RASGEF1C: variants seen among roughly 807,000 people sequenced by gnomAD.
The protein encoded by RASGEF1C is RasGEF domain family member 1C, also known as ras-GEF domain-containing family member 1C.
Under a neutral mutation model 58.1 loss-of-function variants are expected in RASGEF1C, and 27 were observed. The ratio of observed to expected loss-of-function variants is 0.46; its 90% CI spans 0.34 to 0.64. The LOEUF (loss-of-function observed/expected upper bound fraction) is 0.64. Ranked by LOEUF, RASGEF1C falls within the 30% of genes least tolerant of loss-of-function variation. RASGEF1C has a pLI of 0.01. For synonymous variants in RASGEF1C, 243 were observed against 246.3 expected (o/e 0.99, Z 0.13); for missense variants, 502 against 605.1 (o/e 0.83, Z 1.79).
At chr5:180,147,060 ATTCCAATTTGTTCAAAT>A (rs758417820) in intron 1 of RASGEF1C, among the ~76,000 whole-genome samples, 75 of 152,178 alleles carry the variant, frequency 4.9e-4, no homozygotes, top group African/African-American at 1.3e-3. Flanking sequence ...TCATCTAGAA[ATTCCAATTTGTTCAAAT>A]TTCCAATTTG....
At chr5:180,186,617 C>T (rs1401337616) in intron 1 of RASGEF1C, among the ~76,000 whole-genome samples, 3 of 152,202 alleles carry the variant, frequency 2.0e-5, no homozygotes, top group African/African-American at 7.2e-5. Context: ...AAGTGATTTA[C>T]AGATTCAATG....
At chr5:180,125,214 G>A (rs1158674942) in intron 6 of RASGEF1C, among the ~76,000 whole-genome samples, 2 of 152,108 alleles carry the variant, frequency 1.3e-5, no homozygotes, top group African/African-American at 4.8e-5. Context: ...TAAACAATCA[G>A]CTAACAGTTT....
chr5:180,136,559 T>A, intron 3 of RASGEF1C, 44 bp from the exon 4 acceptor site: 2 of 1,539,422 alleles, frequency 1.3e-6, no homozygotes, highest in Non-Finnish European at 1.8e-6. Context: ...GGGCGCCGGG[T>A]GGGCACGTGA....
Position 180,155,056 on chromosome 5 carries a change from CCT to C in RASGEF1C, c.-6-17000_-6-16999del, listed in dbSNP as rs987876984. Among the ~76,000 whole-genome samples, 12 of 152,298 alleles carry C rather than the reference CCT, an allele frequency of 7.9e-5. No individual in the cohort carries two copies. Among genetic ancestry groups the C allele is most frequent in the Admixed American group, 2.0e-4 (3 of 15,308 alleles). On this transcript the variant is annotated intron_variant, in intron 1 of 13. Transcript: ENST00000361132. The surrounding 1 kb of genome is among the most constrained non-coding windows in gnomAD (Gnocchi z 5.2). ...GAAGCCACAGTGTGACTCTTGGAAG[CCT>C]CCAGGAGGCAGGGAGCTTCTGGGCA...
At chr5:180,152,946 C>T (rs1168400176) in intron 1 of RASGEF1C, among the ~76,000 whole-genome samples, 1 of 150,710 alleles carries the variant, frequency 6.6e-6, no homozygotes, top group East Asian at 1.9e-4. Flanking sequence ...TTATAGGTTG[C>T]CTCTGTACTG....
Position 180,114,492 on chromosome 5 carries a change from T to C in RASGEF1C, c.1133A>G (p.Asn378Ser). ...GGGAAGGCGGTTGGCGCAGCCCTCA[T>C]TCAGGAAGTAGATGTCTTTGATGAG... ...SLLIKDIYFL[N>S]EGCANRLPNG... The change falls in exon 11 of 14, where the codon AAT (asparagine) becomes AGT (serine). Residue 378 changes from asparagine (N) to serine (S), a missense_variant. Physicochemically the swap from Asn to Ser is conservative, Grantham distance 46. Transcript: ENST00000361132. The C allele has an allele frequency of 6.2e-7, 1 of 1,612,822 alleles. No individual in the cohort carries two copies.
rs904752503 is a variant in RASGEF1C, at chr5:180,118,496, C to T, written c.1083+113G>A. 9.0e-6 allele frequency: 9 copies of T among 1,000,352 alleles called. No individual in the cohort carries two copies. The African/African-American group carries it at 1.5e-4, about 16-fold the overall frequency. The allele number at this position is 1,000,352 out of a possible 1,614,324, so 62.0% of individuals were successfully genotyped here. On this transcript the variant is annotated intron_variant, in intron 10 of 13. Transcript: ENST00000361132. Reference sequence around the variant, plus strand: ...CGCTGGAGGCACGCAAGCAAGGAGACCTGGCTGTCTATTACTGATGCTGCA... The same window carrying T: ...CGCTGGAGGCACGCAAGCAAGGAGATCTGGCTGTCTATTACTGATGCTGCA...
chr5:180,205,425 A>T (rs1756470245), intron 1 of RASGEF1C, among the ~76,000 whole-genome samples: 1 of 152,208 alleles, frequency 6.6e-6, no homozygotes, highest in Non-Finnish European at 1.5e-5. Flanking sequence ...ACACTCCTAG[A>T]AGTAGTCTTG....
intron 1 of RASGEF1C, among the ~76,000 whole-genome samples, chr5:180,166,008 T>C (rs11950656): frequency 0.65 from 98,438 of 151,714 alleles, 32,421 homozygotes; most frequent in Non-Finnish European, 0.71. Context: ...CTCGGCTTCC[T>C]AAAGTGCTGG....
intron 1 of RASGEF1C, among the ~76,000 whole-genome samples, chr5:180,207,024 T>G (rs577771603): frequency 6.6e-6 from 1 of 152,304 alleles, no homozygotes; most frequent in South Asian, 2.1e-4. Context: ...GTGTTTTACG[T>G]ATTCAAAAAA....
At chr5:180,142,200 C>T (rs949279740) in intron 1 of RASGEF1C, among the ~76,000 whole-genome samples, 10 of 152,000 alleles carry the variant, frequency 6.6e-5, no homozygotes, top group Admixed American at 6.6e-4. Flanking sequence ...CTGTCTGCCT[C>T]GTTGGGACGT....
At chr5:180,130,951 G>A (rs1325858115) in intron 4 of RASGEF1C, among the ~76,000 whole-genome samples, 3 of 152,126 alleles carry the variant, frequency 2.0e-5, no homozygotes, top group Non-Finnish European at 4.4e-5. Context: ...TCGGCCACCA[G>A]ACACACAGGC....
intron 1 of RASGEF1C, among the ~76,000 whole-genome samples, chr5:180,142,243 C>T (rs762484725): frequency 3.3e-5 from 5 of 152,074 alleles, no homozygotes; most frequent in South Asian, 2.1e-4. Context: ...GATATATGCA[C>T]GGTGTGGCTG....
chr5:180,115,358 ATGCACTTAC>A (rs1477901036), intron 10 of RASGEF1C: 16 of 409,878 alleles, frequency 3.9e-5, no homozygotes, highest in Non-Finnish European at 4.8e-6. Context: ...TCTGATCCCG[ATGCACTTAC>A]TGTTAGACCA....
chr5:180,194,240 C>A (rs1337056515), intron 1 of RASGEF1C, among the ~76,000 whole-genome samples: 1 of 152,156 alleles, frequency 6.6e-6, no homozygotes, highest in Admixed American at 6.5e-5. Flanking sequence ...CACCACGGAT[C>A]GCGTTCATTA....
intron 12 of RASGEF1C, among the ~76,000 whole-genome samples, chr5:180,107,797 C>G (rs568045068): frequency 1.3e-5 from 2 of 151,976 alleles, no homozygotes; most frequent in African/African-American, 4.8e-5. Flanking sequence ...GTAGTAGAGA[C>G]GAGGTTTCGC....
At chr5:180,128,352 T>G (rs1766299472) in intron 5 of RASGEF1C, 58 bp downstream of exon 5, 2 of 1,460,686 alleles carry the variant, frequency 1.4e-6, no homozygotes, top group Non-Finnish European at 1.9e-6. Context: ...GAGGGCACAG[T>G]GTATCTGTGT....
chr5:180,109,074 C>G (rs561804761), intron 12 of RASGEF1C, among the ~76,000 whole-genome samples: 3 of 152,198 alleles, frequency 2.0e-5, no homozygotes, highest in Non-Finnish European at 4.4e-5. Context: ...TGAGACTCCT[C>G]TATGCCTCTC....
At chr5:180,187,474 C>T (rs956771529) in intron 1 of RASGEF1C, among the ~76,000 whole-genome samples, 1 of 152,012 alleles carries the variant, frequency 6.6e-6, no homozygotes, top group Non-Finnish European at 1.5e-5. Context: ...AAAGGACAAA[C>T]TACAAAATGG....
Sources: allele counts gnomAD v4.1 joint callset (sites outside exome capture counted in the v4.1 genomes callset), GRCh38; gene constraint gnomAD v4.1.1; non-coding constraint Gnocchi (gnomAD v3.1); transcripts MANE v1.5; gene names NCBI Gene and HGNC (gene_info 2026-07-23, HGNC 2026-07-21).